The following TAPBPL variants were observed in gnomAD, a reference collection of about 807,000 sequenced individuals.
TAPBPL encodes the protein tapasin-related protein.
Under a neutral mutation model 44.8 loss-of-function variants are expected in TAPBPL, and 32 were observed. The ratio of observed to expected loss-of-function variants is 0.71; its 90% CI spans 0.54 to 0.96. TAPBPL has a LOEUF of 0.96. TAPBPL is among the 40% of genes least tolerant of loss of function. The pLI is 0.00. For synonymous variants in TAPBPL, 230 were observed against 240.7 expected (o/e 0.96, Z 0.41); for missense variants, 520 against 586.6 (o/e 0.89, Z 1.17).
At chr12:6,455,763 CT>C (rs374886698) in intron 3 of TAPBPL, among the ~76,000 whole-genome samples, 5,634 of 136,922 alleles carry the variant, frequency 0.041, 330 homozygotes, top group African/African-American at 0.13. Context: ...GCGAGACCCT[CT>C]TTTTTTTTTT....
downstream of TAPBPL, chr12:6,470,558 G>C: frequency 6.2e-7 from 1 of 1,613,914 alleles, no homozygotes; most frequent in Non-Finnish European, 8.5e-7. Context: ...GTGAGGGTCT[G>C]TTCCTCTCCG....
At chr12:6,470,658 T>G, downstream of TAPBPL, 1 of 1,275,994 alleles carries the variant, frequency 7.8e-7, no homozygotes, top group Non-Finnish European at 1.1e-6. Flanking sequence ...CCCCGCGGTC[T>G]AGCTGCGCTG....
At chr12:6,468,943 C>T (rs1379508774), downstream of TAPBPL, among the ~76,000 whole-genome samples, 1 of 152,132 alleles carries the variant, frequency 6.6e-6, no homozygotes, top group Non-Finnish European at 1.5e-5. Flanking sequence ...AGAGTAAATG[C>T]AACAAAAATG....
downstream of TAPBPL, chr12:6,462,954 T>C (rs1949919668): frequency 1.3e-6 from 2 of 1,553,922 alleles, no homozygotes; most frequent in Non-Finnish European, 1.7e-6. Context: ...CTGCCCAGCA[T>C]GGCCTCAGCC....
downstream of TAPBPL, chr12:6,470,663 G>A (rs553522561): frequency 1.5e-5 from 18 of 1,210,710 alleles, 1 homozygote; most frequent in South Asian, 2.0e-4. Flanking sequence ...CGGTCTAGCT[G>A]CGCTGGAACT....
intron 3 of TAPBPL, among the ~76,000 whole-genome samples, chr12:6,455,802 C>T (rs1034218773): frequency 1.5e-4 from 23 of 149,616 alleles, no homozygotes; most frequent in Non-Finnish European, 2.2e-4. Flanking sequence ...ATTCTGTCTC[C>T]CAGGCTGGAG....
At chr12:6,470,487 G>C, downstream of TAPBPL, 2 of 1,613,702 alleles carry the variant, frequency 1.2e-6, no homozygotes, top group Non-Finnish European at 1.7e-6. Context: ...TGGGGCGAGA[G>C]TTGTCAAGGA....
downstream of TAPBPL, among the ~76,000 whole-genome samples, chr12:6,469,678 G>T (rs937505429): frequency 1.3e-5 from 2 of 152,132 alleles, no homozygotes; most frequent in African/African-American, 4.8e-5. Flanking sequence ...ACCAGGCCAG[G>T]GTAGTAATCA....
At chr12:6,468,361 G>A (rs1296361566), downstream of TAPBPL, among the ~76,000 whole-genome samples, 5 of 152,232 alleles carry the variant, frequency 3.3e-5, no homozygotes, top group Non-Finnish European at 7.3e-5. Context: ...TGCCATAAGG[G>A]CAGCTTGGAA....
chr12:6,463,480 C>T, downstream of TAPBPL: 1 of 1,044,842 alleles, frequency 9.6e-7, no homozygotes, highest in East Asian at 9.2e-5. The surrounding 1 kb of genome is among the most constrained non-coding windows in gnomAD (Gnocchi z 4.0). Context: ...ACACTGCTAA[C>T]ACCCTCACGC....
chr12:6,466,025 A>T (rs2534718), downstream of TAPBPL: 1,548,171 of 1,613,674 alleles, frequency 0.96, 742,905 homozygotes, highest in East Asian at 1. Flanking sequence ...GAAACAAAGC[A>T]GCTAAGCTTC....
chr12:6,470,555 T>C (rs750413737), downstream of TAPBPL: 1 of 1,613,764 alleles, frequency 6.2e-7, no homozygotes. Context: ...AGAGTGAGGG[T>C]CTGTTCCTCT....
At chr12:6,465,721 C>T (rs1012244799), downstream of TAPBPL, 13 of 1,350,848 alleles carry the variant, frequency 9.6e-6, no homozygotes, top group East Asian at 2.0e-4. Flanking sequence ...TCCTCCCAAG[C>T]GTTATGCTGG....
intron 5 of TAPBPL, among the ~76,000 whole-genome samples, 187 bp from the exon 6 acceptor site, chr12:6,460,668 A>G (rs1409789691): frequency 2.6e-5 from 4 of 152,240 alleles, no homozygotes; most frequent in African/African-American, 9.6e-5. Context: ...TGTGTGGAGT[A>G]ACTCACAAGT....
downstream of TAPBPL, among the ~76,000 whole-genome samples, chr12:6,470,041 G>C (rs1945730542): frequency 6.6e-6 from 1 of 152,180 alleles, no homozygotes; most frequent in Non-Finnish European, 1.5e-5. Context: ...CCATGAGGGG[G>C]GCTAGACATC....
At chr12:6,456,716 G>A (rs1409525122) in intron 3 of TAPBPL, among the ~76,000 whole-genome samples, 1 of 151,880 alleles carries the variant, frequency 6.6e-6, no homozygotes, top group Non-Finnish European at 1.5e-5. Context: ...GCAATGGCGC[G>A]ATCTTGGCTC....
downstream of TAPBPL, chr12:6,462,760 A>G (rs951688548): frequency 1.4e-6 from 2 of 1,479,644 alleles, no homozygotes; most frequent in South Asian, 2.6e-5. Flanking sequence ...TTAGGCAAGG[A>G]GGAGCCCAGA....
At chr12:6,452,633 T>G (rs1419061976) in intron 1 of TAPBPL, 5 of 1,290,866 alleles carry the variant, frequency 3.9e-6, no homozygotes, top group Non-Finnish European at 4.9e-6. Flanking sequence ...AGGAAATCAC[T>G]TGGAAGGTGA....
At chr12:6,467,612 A>G (rs556990362), downstream of TAPBPL, among the ~76,000 whole-genome samples, 1 of 152,382 alleles carries the variant, frequency 6.6e-6, no homozygotes, top group East Asian at 1.9e-4. Context: ...AGCTGCAGAA[A>G]TTTGCATAAG....
Sources: allele counts gnomAD v4.1 joint callset (sites outside exome capture counted in the v4.1 genomes callset), GRCh38; gene constraint gnomAD v4.1.1; non-coding constraint Gnocchi (gnomAD v3.1); transcripts MANE v1.5; gene names NCBI Gene and HGNC (gene_info 2026-07-23, HGNC 2026-07-21).